Variants in NFIA observed in about 807,000 individuals in gnomAD.
NFIA encodes nuclear factor 1 A-type.
Under a neutral mutation model 62.8 loss-of-function variants are expected in NFIA, and 8 were observed. The observed-to-expected ratio is 0.13, with a 90% CI of 0.07 to 0.23. The LOEUF (loss-of-function observed/expected upper bound fraction) is 0.23, where lower values mean the gene tolerates loss of function less well. Among genes scored for constraint, NFIA ranks in the 10% least tolerant of loss-of-function variants. The pLI is 1.00. For synonymous variants in NFIA, 235 were observed against 238.1 expected (o/e 0.99, Z 0.12); for missense variants, 410 against 642.1 (o/e 0.64, Z 3.91).
intron 2 of NFIA, among the ~76,000 whole-genome samples, chr1:61,090,692 A>G (rs1275984226): frequency 2.0e-5 from 3 of 152,288 alleles, no homozygotes; most frequent in Non-Finnish European, 2.9e-5. Context: ...TGACAGCAGC[A>G]TAGATCAGAC....
chr1:61,161,586 A>AACACACAC lies in NFIA; in HGVS notation c.559+72933_559+72940dup, dbSNP rs56383204. Among the ~76,000 whole-genome samples the AACACACAC allele has an allele frequency of 1.6e-3, 237 of 149,466 alleles. 1 individual carries two copies. Among genetic ancestry groups the AACACACAC allele is most frequent in the Middle Eastern group, 0.014 (4 of 284 alleles). ...TTCTCTCTAGACATGCGCCATGTGC[A>AACACACAC]ACACACACACACACACACACACACA... On this transcript the variant is annotated intron_variant, in intron 2 of 10. Transcript: ENST00000403491.
intron 6 of NFIA, among the ~76,000 whole-genome samples, chr1:61,376,651 T>A (rs1201224539): frequency 6.6e-6 from 1 of 152,166 alleles, no homozygotes; most frequent in Non-Finnish European, 1.5e-5. Flanking sequence ...CCCTTCCTTT[T>A]TTTCCCCCTT....
At chr1:61,144,618 G>A (rs1024026526) in intron 2 of NFIA, among the ~76,000 whole-genome samples, 2 of 152,156 alleles carry the variant, frequency 1.3e-5, no homozygotes, top group African/African-American at 2.4e-5. Flanking sequence ...AACTCTCTAA[G>A]CCTTAGTTTC....
Position 61,307,930 on chromosome 1 carries a change from G to A in NFIA, c.626-24582G>A, listed in dbSNP as rs372317336. On this transcript the variant is annotated intron_variant, in intron 3 of 10. Coordinates refer to ENST00000403491, the MANE Select transcript of NFIA (RefSeq NM_001134673.4). ...TTGTTGTTGTTGTTATTATTATTGTGTCAGCAGTAAACTGCTCCCCAGAGG... is the reference window on the plus strand; with the variant it reads ...TTGTTGTTGTTGTTATTATTATTGTATCAGCAGTAAACTGCTCCCCAGAGG... Among the ~76,000 whole-genome samples, 15 of 152,260 alleles carry A rather than the reference G, an allele frequency of 9.9e-5. No individual in the cohort carries two copies. The South Asian group carries it at 1.2e-3, about 13-fold the overall frequency.
intron 2 of NFIA, among the ~76,000 whole-genome samples, chr1:61,148,095 T>G (rs1279076223): frequency 6.6e-6 from 1 of 152,110 alleles, no homozygotes; most frequent in Non-Finnish European, 1.5e-5. Flanking sequence ...CATTGTTGAG[T>G]AGTTGTGGTA....
chr1:61,393,286 T>TCC (rs1487047897), intron 7 of NFIA, among the ~76,000 whole-genome samples: 16 of 48,330 alleles, frequency 3.3e-4, no homozygotes, highest in Non-Finnish European at 3.5e-4. Flanking sequence ...TCTCTCTCTC[T>TCC]CTCTCCCTCT....
At chr1:61,109,632 T>C (rs1646662336) in intron 2 of NFIA, among the ~76,000 whole-genome samples, 1 of 151,934 alleles carries the variant, frequency 6.6e-6, no homozygotes, top group Non-Finnish European at 1.5e-5. Context: ...TTTTATCAGA[T>C]AGTGCTAGAA....
At chr1:61,451,147 A>G (rs1668038691) in intron 10 of NFIA, among the ~76,000 whole-genome samples, 1 of 152,152 alleles carries the variant, frequency 6.6e-6, no homozygotes. Context: ...CCTGTTTAGG[A>G]TGCAGTCGGA....
chr1:61,392,573 A>G (rs941091047), intron 7 of NFIA, among the ~76,000 whole-genome samples: 1 of 152,046 alleles, frequency 6.6e-6, no homozygotes, highest in African/African-American at 2.4e-5. Context: ...GTAACGTTCA[A>G]TAATTACTAG....
intron 2 of NFIA, among the ~76,000 whole-genome samples, chr1:61,224,318 G>A (rs1367609732): frequency 6.6e-6 from 1 of 152,002 alleles, no homozygotes; most frequent in Admixed American, 6.5e-5. Flanking sequence ...AGAAAAAAGT[G>A]TGCTTTTTTG....
At chr1:61,426,832 T>G (rs761070485) in intron 10 of NFIA, among the ~76,000 whole-genome samples, 1 of 152,098 alleles carries the variant, frequency 6.6e-6, no homozygotes, top group Non-Finnish European at 1.5e-5. Flanking sequence ...TTCCCTCTTA[T>G]AGGAATTCAT....
chr1:61,387,423 G>A (rs1664748333), intron 7 of NFIA, among the ~76,000 whole-genome samples: 1 of 150,048 alleles, frequency 6.7e-6, no homozygotes, highest in African/African-American at 2.5e-5. Context: ...TATTGCCTTC[G>A]CCCAGCAACA....
intron 2 of NFIA, among the ~76,000 whole-genome samples, chr1:61,199,951 C>T (rs12132330): frequency 0.3 from 42,765 of 143,336 alleles, 7,140 homozygotes; most frequent in East Asian, 0.53. Context: ...GCTGAAATTG[C>T]ATCACTGCAC....
intron 2 of NFIA, among the ~76,000 whole-genome samples, chr1:61,184,664 A>G (rs1240523145): frequency 6.6e-6 from 1 of 152,250 alleles, no homozygotes; most frequent in Non-Finnish European, 1.5e-5. Flanking sequence ...AAGGATGCCA[A>G]AATTCAACAA....
At chr1:61,393,244 CCTCT>C (rs766730638) in intron 7 of NFIA, among the ~76,000 whole-genome samples, 1,014 of 29,128 alleles carry the variant, frequency 0.035, 70 homozygotes, top group Middle Eastern at 0.045. Context: ...TCGCCCTCTC[CCTCT>C]CTCTCTCTCT....
chr1:61,089,092 C>CT (rs1447778796), intron 2 of NFIA, among the ~76,000 whole-genome samples: 1 of 152,040 alleles, frequency 6.6e-6, no homozygotes, highest in Non-Finnish European at 1.5e-5. Flanking sequence ...TGTTTTTAAC[C>CT]TACTGAGGCC....
intron 2 of NFIA, among the ~76,000 whole-genome samples, chr1:61,099,539 T>C (rs531115704): frequency 6.6e-6 from 1 of 152,288 alleles, no homozygotes; most frequent in Non-Finnish European, 1.5e-5. Context: ...TGGATGTGAG[T>C]TTCTTTGGTT....
intron 2 of NFIA, among the ~76,000 whole-genome samples, chr1:61,276,660 A>T (rs1231697978): frequency 1.3e-5 from 2 of 152,146 alleles, no homozygotes; most frequent in Non-Finnish European, 2.9e-5. Context: ...CAAAAACTGT[A>T]CCATAAATAT....
intron 7 of NFIA, among the ~76,000 whole-genome samples, chr1:61,397,222 G>C (rs1665326399): frequency 6.6e-6 from 1 of 152,052 alleles, no homozygotes; most frequent in Non-Finnish European, 1.5e-5. Flanking sequence ...TATTTGTCTA[G>C]GTCTTTAAAG....
Sources: allele counts gnomAD v4.1 joint callset (sites outside exome capture counted in the v4.1 genomes callset), GRCh38; gene constraint gnomAD v4.1.1; transcripts MANE v1.5; gene names NCBI Gene and HGNC (gene_info 2026-07-23, HGNC 2026-07-21).